Variants in RARS2 observed in about 807,000 individuals in gnomAD.
RARS2 encodes arginyl-tRNA synthetase 2, mitochondrial.
In RARS2, 67 loss-of-function variants were observed where a neutral mutation model predicts 88.5. The ratio of observed to expected loss-of-function variants is 0.76; its 90% CI spans 0.62 to 0.93. RARS2 has a LOEUF of 0.93. RARS2 is among the 40% of genes least tolerant of loss of function. RARS2 has a pLI of 0.00. For synonymous variants in RARS2, 239 were observed against 230.3 expected (o/e 1.04, Z -0.34); for missense variants, 664 against 684.2 (o/e 0.97, Z 0.33).
rs774600255 is a variant in RARS2, at chr6:87,564,184, G to A, written c.159C>T (p.Asp53=). 8 of 1,613,574 alleles carry A rather than the reference G, an allele frequency of 5.0e-6. No individual in the cohort carries two copies. In the African/African-American group the frequency reaches 5.3e-5, roughly 11 times the overall value. Residue 53 remains aspartate (D), a synonymous_variant, in exon 3 of 20, where the codon GAC becomes GAT. Coordinates refer to ENST00000369536, the MANE Select transcript of RARS2 (RefSeq NM_020320.5). The part of the protein sequence containing the change: ...QLSVDSLLEK[D]NDHSRPDIQV... Reference sequence around the variant, plus strand: ...GAATATCTGGTCTTGAATGGTCATTGTCTTTTTCCAATAAAGAATCCACAG... The same window carrying A: ...GAATATCTGGTCTTGAATGGTCATTATCTTTTTCCAATAAAGAATCCACAG...
chr6:87,566,351 C>T (rs1767862408), intron 2 of RARS2, among the ~76,000 whole-genome samples: 3 of 152,106 alleles, frequency 2.0e-5, no homozygotes, highest in Admixed American at 6.5e-5. Context: ...GTAAAAAATA[C>T]ATCAACTTGC....
intron 1 of RARS2, among the ~76,000 whole-genome samples, chr6:87,574,663 AG>A (rs1191775566): frequency 6.6e-5 from 10 of 152,230 alleles, no homozygotes; most frequent in African/African-American, 2.4e-4. Flanking sequence ...TCTGCCCAGG[AG>A]AAAAATGTAA....
Position 87,520,175 on chromosome 6 carries a change from A to G in RARS2, c.1112+5T>C, listed in dbSNP as rs201928218. 1 of 1,611,702 alleles carries G rather than the reference A, an allele frequency of 6.2e-7. No individual in the cohort carries two copies. Among genetic ancestry groups the G allele is most frequent in the South Asian group, 1.1e-5 (1 of 91,030 alleles). ...ACAGACAATTAAGAACCATGCAGAC[A>G]TTACCTTTCTGCCCAGTCATATCCC... On this transcript the variant is annotated splice_donor_5th_base_variant and intron_variant, in intron 13 of 19. Coordinates refer to ENST00000369536, the MANE Select transcript of RARS2 (RefSeq NM_020320.5).
intron 8 of RARS2, among the ~76,000 whole-genome samples, chr6:87,532,935 C>T (rs988107575): frequency 9.9e-5 from 15 of 152,184 alleles, no homozygotes; most frequent in African/African-American, 3.6e-4. Context: ...TTTTGAATGA[C>T]ACAGCCATTG....
chr6:87,518,497 A>G, intron 16 of RARS2, 133 bp downstream of exon 16: 1 of 1,262,648 alleles, frequency 7.9e-7, no homozygotes, highest in Non-Finnish European at 1.1e-6. Flanking sequence ...TCCTAAAAGA[A>G]GGTCTACTCT....
chr6:87,515,546 A>G (rs1194067986), intron 18 of RARS2, among the ~76,000 whole-genome samples: 1 of 151,986 alleles, frequency 6.6e-6, no homozygotes, highest in Non-Finnish European at 1.5e-5. Flanking sequence ...TATGATTTCA[A>G]TGTTAATTTT....
At chr6:87,538,296 T>C (rs570816912) in intron 8 of RARS2, among the ~76,000 whole-genome samples, 71 of 152,340 alleles carry the variant, frequency 4.7e-4, no homozygotes, top group African/African-American at 1.6e-3. Flanking sequence ...CCAGTGAATC[T>C]ATTCGGCAAA....
rs182933556 is a variant in RARS2 at position 87,576,127 on chromosome 6, A to C, written c.37-6537T>G. 1.4e-3 allele frequency among the ~76,000 whole-genome samples: 137 copies of C among 96,482 alleles called. 35 individuals carry two copies. The highest frequency in any genetic ancestry group is 5.2e-3 in the African/African-American group (135 of 25,956). 63.3% of individuals were successfully genotyped at this position (96,482 alleles called of 152,430 possible). On this transcript the variant is annotated intron_variant, in intron 1 of 19. Coordinates refer to ENST00000369536, the MANE Select transcript of RARS2 (RefSeq NM_020320.5). ...ATAAGTCTTCTTTAAAAATTGAGTC[A>C]AACAAAAAAATCCAAGCTGCAGCTG...
intron 2 of RARS2, among the ~76,000 whole-genome samples, chr6:87,568,009 G>C (rs933565943): frequency 1.3e-5 from 2 of 152,084 alleles, no homozygotes; most frequent in African/African-American, 2.4e-5. Flanking sequence ...CTGACCTCAC[G>C]ATCTGCCTGC....
chr6:87,567,004 G>C (rs1179320285), intron 2 of RARS2, among the ~76,000 whole-genome samples: 1 of 151,824 alleles, frequency 6.6e-6, no homozygotes, highest in East Asian at 1.9e-4. Flanking sequence ...TTGAACTCCT[G>C]AGCTCAAGCA....
intron 18 of RARS2, 41 bp from the exon 19 acceptor site, chr6:87,515,061 A>AT (rs2127988212): frequency 6.7e-7 from 1 of 1,489,992 alleles, no homozygotes; most frequent in African/African-American, 1.4e-5. Context: ...ACCAGCAGTA[A>AT]TTTCCTGTTG....
Position 87,529,586 on chromosome 6 carries a change from C to G in RARS2, c.834G>C (p.Glu278Asp). The G allele has an allele frequency of 6.2e-7, 1 of 1,608,998 alleles. No individual in the cohort carries two copies. The highest frequency in any genetic ancestry group is 1.1e-5 in the South Asian group (1 of 90,956). ...CTTTACTCTCCAGCAACTTTAAGACCTCTTGAGATTTTTCACGATAAAATG... is the reference window on the plus strand; with the variant it reads ...CTTTACTCTCCAGCAACTTTAAGACGTCTTGAGATTTTTCACGATAAAATG... ...GESFYREKSQ[E>D]VLKLLESKGL... is the part of the protein sequence containing the mutation. Residue 278 changes from glutamate (E) to aspartate (D), a missense_variant, in exon 10 of 20, where the codon GAG (glutamate) becomes GAC (aspartate). Glu to Asp is a conservative substitution (Grantham distance 45). Transcript: ENST00000369536.
chr6:87,575,276 C>CA (rs1413053353), intron 1 of RARS2, among the ~76,000 whole-genome samples: 2 of 145,030 alleles, frequency 1.4e-5, no homozygotes, highest in Admixed American at 7.0e-5. Flanking sequence ...CACACACACA[C>CA]ACCTTGGCTT....
At chr6:87,532,349 G>A (rs1391349413) in intron 8 of RARS2, among the ~76,000 whole-genome samples, 2 of 152,154 alleles carry the variant, frequency 1.3e-5, no homozygotes, top group Non-Finnish European at 2.9e-5. Flanking sequence ...CAACTTAACT[G>A]ATAAAAGTGG....
intron 1 of RARS2, among the ~76,000 whole-genome samples, chr6:87,574,427 A>G (rs1302157303): frequency 6.6e-6 from 1 of 152,250 alleles, no homozygotes; most frequent in African/African-American, 2.4e-5. Context: ...GAGGTAAGCC[A>G]AAAACAAACG....
intron 6 of RARS2, 88 bp from the exon 7 acceptor site, chr6:87,545,787 G>C: frequency 6.9e-7 from 1 of 1,453,974 alleles, no homozygotes; most frequent in Non-Finnish European, 9.3e-7. Context: ...TCAAACATAA[G>C]TAGAAAATTC....
chr6:87,559,228 GAA>G lies in RARS2; in HGVS notation c.297+3472_297+3473del, dbSNP rs1404906741. ...AATAGAAGAAAAAAGTTTAAAAAAT[GAA>G]AAGTTTATAAAATAAAAATGTTACA... On this transcript the variant is annotated intron_variant, in intron 4 of 19. Transcript: ENST00000369536. Among the ~76,000 whole-genome samples the G allele has an allele frequency of 2.0e-5, 3 of 152,070 alleles. No homozygotes were observed. In the East Asian group the frequency reaches 5.8e-4, roughly 29 times the overall value.
At chr6:87,585,522 AG>A (rs1774878162) in intron 1 of RARS2, among the ~76,000 whole-genome samples, 1 of 152,130 alleles carries the variant, frequency 6.6e-6, no homozygotes, top group African/African-American at 2.4e-5. Flanking sequence ...TGAGGTCAGG[AG>A]ATCGAGACCA....
At chr6:87,550,709 G>GA (rs5878036) in intron 5 of RARS2, among the ~76,000 whole-genome samples, 3,522 of 71,862 alleles carry the variant, frequency 0.049, 134 homozygotes, top group African/African-American at 0.12. Flanking sequence ...GCCGATTTAA[G>GA]AAAAAAAAAA....
Sources: gnomAD v4.1 joint callset for allele counts (sites outside exome capture counted in the v4.1 genomes callset) on GRCh38, gnomAD v4.1.1 for gene constraint, MANE v1.5 for transcripts, NCBI Gene and HGNC (gene_info 2026-07-23, HGNC 2026-07-21) for gene names.